GTF2H1: variants seen among roughly 807,000 people sequenced by gnomAD.
GTF2H1 encodes the protein BTF2 p62.
GTF2H1 carries 16 observed loss-of-function variants against 71.2 expected under a neutral mutation model. The observed-to-expected ratio is 0.22, with a 90% confidence interval of 0.15 to 0.34. The LOEUF (loss-of-function observed/expected upper bound fraction) is 0.34. GTF2H1 is among the 10% of genes least tolerant of loss of function. The probability of loss-of-function intolerance (pLI) is 1.00; values close to 1 mark genes in which losing one functional copy is unlikely to be tolerated. For synonymous variants in GTF2H1, 215 were observed against 219.0 expected (o/e 0.98, Z 0.16); for missense variants, 498 against 648.2 (o/e 0.77, Z 2.52).
Position 18,358,569 on chromosome 11 carries a change from G to C in GTF2H1, c.1396G>C (p.Val466Leu). The C allele has an allele frequency of 1.2e-6, 2 of 1,612,494 alleles. No individual in the cohort carries two copies. Among genetic ancestry groups the C allele is most frequent in the Non-Finnish European group, 8.5e-7 (1 of 1,178,598 alleles). ...TCAATCTGAATTGAAACACTTATAT[G>C]TAGCTGTTGGAGAACTTCTACGACA... ...DIQSELKHLY[V>L]AVGELLRHFW... Residue 466 changes from valine to leucine, a missense_variant, in exon 13 of 15, where the codon GTA (valine) becomes CTA (leucine). Val to Leu is a conservative substitution (Grantham distance 32). This residue lies in a region of GTF2H1 where 266 missense variants were observed against 301.6 expected (regional missense o/e 0.88). Transcript: ENST00000265963.
At chr11:18,329,831 C>G (rs1255349930) in intron 1 of GTF2H1, among the ~76,000 whole-genome samples, 1 of 152,180 alleles carries the variant, frequency 6.6e-6, no homozygotes, top group African/African-American at 2.4e-5. Context: ...TGAACTGATA[C>G]ATATACAACA....
At chr11:18,360,761 A>T (rs1164736081) in intron 14 of GTF2H1, 54 bp downstream of exon 14, 8 of 915,444 alleles carry the variant, frequency 8.7e-6, no homozygotes, top group Non-Finnish European at 1.4e-5. Flanking sequence ...TAGTAAAATG[A>T]TGAAATTGAT....
chr11:18,322,815 G>A (rs1864543210), intron 1 of GTF2H1, 75 bp downstream of exon 1: 1 of 152,378 alleles, frequency 6.6e-6, no homozygotes, highest in Non-Finnish European at 1.5e-5. Flanking sequence ...GGGGCCGCTG[G>A]ACGGCGTGGA....
intron 14 of GTF2H1, 122 bp downstream of exon 14, chr11:18,360,829 G>A (rs1472331151): frequency 2.9e-5 from 17 of 581,360 alleles, no homozygotes; most frequent in South Asian, 9.8e-5. Flanking sequence ...TTTTTGAAAC[G>A]GAGTCTCACT....
At chr11:18,363,292 T>C (rs1483340041) in intron 14 of GTF2H1, among the ~76,000 whole-genome samples, 11 of 152,204 alleles carry the variant, frequency 7.2e-5, no homozygotes, top group Non-Finnish European at 1.3e-4. Context: ...CAGTAACATA[T>C]TCATTATCAT....
At chr11:18,330,945 A>C (rs747856172) in intron 1 of GTF2H1, among the ~76,000 whole-genome samples, 1 of 152,234 alleles carries the variant, frequency 6.6e-6, no homozygotes, top group Non-Finnish European at 1.5e-5. Flanking sequence ...TACTTGAGAT[A>C]ATCAACTTCA....
chr11:18,360,481 G>T (rs1167402916), intron 13 of GTF2H1, 134 bp from the exon 14 acceptor site: 2 of 531,620 alleles, frequency 3.8e-6, no homozygotes, highest in Non-Finnish European at 6.5e-6. Context: ...GATATAATTG[G>T]TATATTTTTA....
Position 18,339,622 on chromosome 11 carries a change from A to G in GTF2H1, c.572A>G (p.Asp191Gly). 1.9e-6 allele frequency: 3 copies of G among 1,612,210 alleles called. No homozygotes were observed. The highest frequency in any genetic ancestry group is 2.5e-6 in the Non-Finnish European group (3 of 1,178,294). ...CNGLRYNLTS[D>G]IIESIFRTYP... Reference sequence around the variant, plus strand: ...GGTCTAAGATATAATTTAACTTCTGATATCATTGAGTCCATATTTAGGACC... The same window carrying G: ...GGTCTAAGATATAATTTAACTTCTGGTATCATTGAGTCCATATTTAGGACC... Residue 191 changes from aspartate to glycine, a missense_variant, in exon 5 of 15, where the codon GAT becomes GGT. Transcript: ENST00000265963.
At chr11:18,345,528 G>A (rs542224333) in intron 7 of GTF2H1, among the ~76,000 whole-genome samples, 15 of 143,990 alleles carry the variant, frequency 1.0e-4, no homozygotes, top group Admixed American at 1.4e-4. Flanking sequence ...AGATGGAGTC[G>A]TGCCCTTTTG....
At chr11:18,334,733 G>A (rs1268176977) in intron 2 of GTF2H1, among the ~76,000 whole-genome samples, 1 of 152,184 alleles carries the variant, frequency 6.6e-6, no homozygotes, top group East Asian at 1.9e-4. Flanking sequence ...AGCTGACAAA[G>A]TTACAGAAAA....
At chr11:18,345,177 CGA>C (rs1865260426) in intron 7 of GTF2H1, among the ~76,000 whole-genome samples, 1 of 151,330 alleles carries the variant, frequency 6.6e-6, no homozygotes, top group African/African-American at 2.4e-5. Flanking sequence ...GGCAACAGAG[CGA>C]GAACCTGTCT....
At position 18,341,372 on chromosome 11, in the gene GTF2H1, A is replaced by G. The variant is rs767098251; in HGVS notation, c.719A>G (p.Lys240Arg). 4 of 1,614,072 alleles carry G rather than the reference A, an allele frequency of 2.5e-6. No homozygotes were observed. The highest frequency in any genetic ancestry group is 3.4e-6 in the Non-Finnish European group (4 of 1,179,958). ...AGGGATCGGCTGAATACAGGGTCAA[A>G]GGATCTCTTTGCAGAATGTGCCAAA... ...FHRDRLNTGS[K>R]DLFAECAKID... Residue 240 changes from lysine to arginine, a missense_variant, in exon 6 of 15, where the codon AAG becomes AGG. By Grantham distance (26) the Lys-to-Arg change is conservative. This residue lies in a region of GTF2H1 where 216 missense variants were observed against 306.2 expected (regional missense o/e 0.71). Coordinates refer to ENST00000265963, the MANE Select transcript of GTF2H1 (RefSeq NM_005316.4).
At chr11:18,354,273 GAT>G (rs2133983404) in intron 11 of GTF2H1, among the ~76,000 whole-genome samples, 1 of 152,292 alleles carries the variant, frequency 6.6e-6, no homozygotes, top group South Asian at 2.1e-4. Context: ...CCTAGCTTGT[GAT>G]ATTAAATTTT....
intron 1 of GTF2H1, among the ~76,000 whole-genome samples, chr11:18,325,302 G>C (rs142941084): frequency 1.3e-5 from 2 of 152,312 alleles, no homozygotes; most frequent in East Asian, 1.9e-4. Flanking sequence ...GCAAGATCCA[G>C]TTATTAGAAT....
At chr11:18,345,206 T>C (rs1164339153) in intron 7 of GTF2H1, among the ~76,000 whole-genome samples, 2 of 151,790 alleles carry the variant, frequency 1.3e-5, no homozygotes, top group African/African-American at 4.8e-5. Context: ...AAAATAAAAA[T>C]ATAAATTTAA....
chr11:18,366,772 C>A lies in GTF2H1; in HGVS notation c.*903C>A, dbSNP rs1243175398. The A allele has an allele frequency of 3.3e-5, 5 of 151,798 alleles. No homozygotes were observed. Among genetic ancestry groups the A allele is most frequent in the Admixed American group, 2.0e-4 (3 of 15,160 alleles). The allele number at this position is 151,798 out of a possible 1,614,324, so 9.4% of individuals were successfully genotyped here. ...TATGAGTGAGAAATATTAAAAAAAT[C>A]TTATTTTCACCTCTTTAGAAGAAAT... On this transcript the variant is annotated 3_prime_UTR_variant, in exon 15 of 15. Coordinates refer to ENST00000265963, the MANE Select transcript of GTF2H1 (RefSeq NM_005316.4).
chr11:18,328,202 CAAAA>C (rs35694798), intron 1 of GTF2H1, among the ~76,000 whole-genome samples: 4 of 99,932 alleles, frequency 4.0e-5, no homozygotes, highest in Admixed American at 2.2e-4. Context: ...GACTCCATCT[CAAAA>C]AAAAAAAAAA....
At chr11:18,342,285 A>G (rs1437377769) in intron 7 of GTF2H1, among the ~76,000 whole-genome samples, 3 of 102,606 alleles carry the variant, frequency 2.9e-5, no homozygotes, top group Admixed American at 1.4e-4. Context: ...TTTTTGAGAA[A>G]GAGTTTCACT....
intron 7 of GTF2H1, 64 bp from the exon 8 acceptor site, chr11:18,347,524 G>A: frequency 8.1e-7 from 1 of 1,230,902 alleles, no homozygotes; most frequent in Non-Finnish European, 1.1e-6. Context: ...TTTCAGCTAA[G>A]CGTGTCTTAT....
Sources: gnomAD v4.1 joint callset for allele counts (sites outside exome capture counted in the v4.1 genomes callset) on GRCh38, gnomAD v4.1.1 for gene constraint, gnomAD v4.1.1 regional missense constraint, MANE v1.5 for transcripts, NCBI Gene and HGNC (gene_info 2026-07-23, HGNC 2026-07-21) for gene names.